ELFN2: variants seen among roughly 807,000 people sequenced by gnomAD.
ELFN2 encodes the protein extracellular leucine rich repeat and fibronectin type III domain containing 2.
In ELFN2, 17 loss-of-function variants were observed where a neutral mutation model predicts 45.5. The ratio of observed to expected loss-of-function variants is 0.37; its 90% confidence interval spans 0.26 to 0.56. The LOEUF (loss-of-function observed/expected upper bound fraction) is 0.56. ELFN2 is among the 20% of genes least tolerant of loss of function. The pLI, the probability that ELFN2 is intolerant of heterozygous loss-of-function variation, is 0.77. For synonymous variants in ELFN2, 550 were observed against 551.5 expected, an observed-to-expected ratio of 1.00 and a Z score of 0.04; for missense variants, 922 against 1,183.2, an observed-to-expected ratio of 0.78 and a Z score of 3.24.
intron 1 of ELFN2, chr22:37,353,106 C>A (rs943238108): frequency 6.6e-6 from 1 of 151,028 alleles, no homozygotes; most frequent in Non-Finnish European, 1.5e-5. Flanking sequence ...TTCTCACCTC[C>A]CCTGCCCCCA....
chr22:37,356,391 G>A (rs575308581), intron 1 of ELFN2, among the ~76,000 whole-genome samples: 7 of 152,236 alleles, frequency 4.6e-5, no homozygotes, highest in East Asian at 3.9e-4. Flanking sequence ...GGGCATATGC[G>A]CCAAGTTACC....
At chr22:37,382,695 G>A (rs1037610367) in intron 2 of ELFN2, among the ~76,000 whole-genome samples, 2 of 151,944 alleles carry the variant, frequency 1.3e-5, no homozygotes, top group East Asian at 1.9e-4. Context: ...GACCATAGGC[G>A]CATGCCACGA....
downstream of ELFN2, among the ~76,000 whole-genome samples, chr22:37,363,730 G>C (rs929504600): frequency 6.6e-6 from 1 of 152,186 alleles, no homozygotes; most frequent in Admixed American, 6.5e-5. Context: ...AGGCAGGAGT[G>C]GTGGGGAAAG....
intron 1 of ELFN2, among the ~76,000 whole-genome samples, chr22:37,420,056 C>A (rs78577305): frequency 0.02 from 3,069 of 152,258 alleles, 40 homozygotes; most frequent in Middle Eastern, 0.048. Context: ...CCGGGCCAGC[C>A]GGGCGCAAGT....
intron 2 of ELFN2, chr22:37,385,103 G>C (rs975609135): frequency 6.6e-6 from 1 of 152,288 alleles, no homozygotes; most frequent in Non-Finnish European, 1.5e-5. Context: ...GGGACCGCAA[G>C]GGGGAAATGG....
At chr22:37,413,275 G>A (rs912029214) in intron 2 of ELFN2, among the ~76,000 whole-genome samples, 4 of 152,082 alleles carry the variant, frequency 2.6e-5, no homozygotes, top group African/African-American at 9.7e-5. Context: ...CACTTAAAAT[G>A]TTGCCTATTC....
intron 2 of ELFN2, among the ~76,000 whole-genome samples, chr22:37,406,522 G>A (rs986005317): frequency 2.1e-5 from 3 of 142,504 alleles, no homozygotes; most frequent in African/African-American, 5.2e-5. Flanking sequence ...CACTCCCACC[G>A]CCCCTGCAGC....
In ELFN2 at chr22:37,373,038, C is replaced by G. The variant is rs369093489; in HGVS notation, c.*34G>C. ...CTTCCCCCAAAAGGCCCCCAGCCCT[C>G]TGGCTCCGACCTCACCAGGGAGGAA... On this transcript the variant is annotated 3_prime_UTR_variant, in exon 3 of 3. Transcript: ENST00000402918. 4 of 1,550,934 alleles carry G rather than the reference C, an allele frequency of 2.6e-6. No homozygotes were observed. In the African/African-American group the frequency reaches 4.1e-5, roughly 16 times the overall value.
chr22:37,374,611 C>T lies in ELFN2; in HGVS notation c.924G>A (p.Ser308=), dbSNP rs779006759. Residue 308 remains serine (S), a synonymous_variant, in exon 3 of 3, where the codon TCG becomes TCA. Transcript: ENST00000402918. ...GTGGGATGATGACCACCAGGGTGGC[C>T]GAGGTGAACGTGACGTGGTGCAGCT... ...AIKLHHVTFT[S]ATLVVIIPHP... The T allele has an allele frequency of 2.0e-5, 33 of 1,613,992 alleles. No homozygotes were observed. The Admixed American group carries it at 3.7e-4, about 18-fold the overall frequency.
downstream of ELFN2, among the ~76,000 whole-genome samples, chr22:37,364,328 TC>T (rs1387199846): frequency 4.6e-5 from 7 of 152,092 alleles, no homozygotes; most frequent in African/African-American, 1.7e-4. Flanking sequence ...CGGGGCAGCC[TC>T]AGGGATGAGG....
At chr22:37,405,839 G>GGGT (rs1932486540) in intron 2 of ELFN2, among the ~76,000 whole-genome samples, 2 of 149,902 alleles carry the variant, frequency 1.3e-5, no homozygotes, top group African/African-American at 5.0e-5. Flanking sequence ...AAAAAGGGTG[G>GGGT]AGGGGGGGTG....
At chr22:37,379,184 G>A (rs1314882762) in intron 2 of ELFN2, among the ~76,000 whole-genome samples, 5 of 152,230 alleles carry the variant, frequency 3.3e-5, no homozygotes, top group Non-Finnish European at 7.3e-5. Context: ...GGCACCGACG[G>A]CAGTGAGCTA....
In ELFN2 at chr22:37,415,733, C is replaced by T. The variant is rs958122082; in HGVS notation, c.-463+2036G>A. Reference sequence around the variant, plus strand: ...ATCCCAGCACTTTGGGAGGCTGAGGCGGGTGGATCACAAGGTCAGGAGATC... The same window carrying T: ...ATCCCAGCACTTTGGGAGGCTGAGGTGGGTGGATCACAAGGTCAGGAGATC... On this transcript the variant is annotated intron_variant, in intron 2 of 2. Transcript: ENST00000402918. Among the ~76,000 whole-genome samples the T allele has an allele frequency of 9.9e-5, 15 of 152,144 alleles. No homozygotes were observed. The East Asian group carries it at 1.4e-3, about 14-fold the overall frequency.
At chr22:37,357,301 G>A (rs1239287855) in intron 1 of ELFN2, among the ~76,000 whole-genome samples, 7 of 152,180 alleles carry the variant, frequency 4.6e-5, no homozygotes, top group African/African-American at 1.7e-4. Context: ...GGGAGGTTGG[G>A]GAATGTCTTA....
intron 2 of ELFN2, among the ~76,000 whole-genome samples, chr22:37,386,920 T>C (rs1014194355): frequency 6.6e-6 from 1 of 152,096 alleles, no homozygotes; most frequent in Non-Finnish European, 1.5e-5. Flanking sequence ...GGTTTCCTCT[T>C]CTGTAAAGTG....
At chr22:37,392,958 T>C (rs1030997270) in intron 2 of ELFN2, among the ~76,000 whole-genome samples, 1 of 152,162 alleles carries the variant, frequency 6.6e-6, no homozygotes, top group Non-Finnish European at 1.5e-5. Flanking sequence ...TAATACAGGG[T>C]CCCTTATTAC....
chr22:37,422,951 G>A (rs769555657), intron 1 of ELFN2, among the ~76,000 whole-genome samples: 25 of 149,748 alleles, frequency 1.7e-4, no homozygotes, highest in African/African-American at 3.0e-4. Flanking sequence ...CTCGGGGGGG[G>A]GGGGGGAAGT....
At chr22:37,392,378 C>T (rs1411302313) in intron 2 of ELFN2, among the ~76,000 whole-genome samples, 3 of 147,628 alleles carry the variant, frequency 2.0e-5, no homozygotes, top group South Asian at 2.1e-4. Flanking sequence ...AGTGCAGTGG[C>T]GCAATCTGGG....
intron 2 of ELFN2, among the ~76,000 whole-genome samples, chr22:37,341,896 G>A (rs534554019): frequency 6.6e-6 from 1 of 152,266 alleles, no homozygotes. Context: ...CTCCCCACAG[G>A]CAGGTCGCTA....
Sources: gnomAD v4.1 joint callset for allele counts (sites outside exome capture counted in the v4.1 genomes callset) on GRCh38, gnomAD v4.1.1 for gene constraint, MANE v1.5 for transcripts, NCBI Gene and HGNC (gene_info 2026-07-23, HGNC 2026-07-21) for gene names.